Variants in SORCS2 observed in about 807,000 individuals in gnomAD.
SORCS2 encodes the protein sortilin related VPS10 domain containing receptor 2.
Under a neutral mutation model 141.6 loss-of-function variants are expected in SORCS2, and 100 were observed. The ratio of observed to expected loss-of-function variants is 0.71; its 90% CI spans 0.60 to 0.83. The LOEUF (loss-of-function observed/expected upper bound fraction) is 0.83, where lower values mean the gene tolerates loss of function less well. Among genes scored for constraint, SORCS2 ranks in the 40% least tolerant of loss-of-function variants. The pLI is 0.00. For missense variants in SORCS2, 1,646 were observed against 1,560.2 expected (o/e 1.05, Z -0.93); for synonymous variants, 789 against 676.9 (o/e 1.17, Z -2.57).
At chr4:7,731,004 G>T (rs549380612) in intron 23 of SORCS2, among the ~76,000 whole-genome samples, 1 of 152,240 alleles carries the variant, frequency 6.6e-6, no homozygotes, top group Non-Finnish European at 1.5e-5. Context: ...ACTCCAGCAT[G>T]CCCACGTGGT....
At chr4:7,642,706 A>G (rs1195184645) in intron 4 of SORCS2, among the ~76,000 whole-genome samples, 3 of 152,060 alleles carry the variant, frequency 2.0e-5, no homozygotes, top group African/African-American at 2.4e-5. Context: ...AACAAGCATT[A>G]TTTCTTCTTC....
rs577898437 is a variant in SORCS2, at chr4:7,714,514, G to T, written c.2123+141G>T. 2.4e-4 allele frequency: 225 copies of T among 937,438 alleles called. No homozygotes were observed. In the African/African-American group the frequency reaches 3.5e-3, roughly 15 times the overall value. 58.1% of individuals were successfully genotyped at this position (937,438 alleles called of 1,614,324 possible). On this transcript the variant is annotated intron_variant, in intron 16 of 26. Transcript: ENST00000507866. Reference sequence around the variant, plus strand: ...GTCACAGTCGCACACTGCCACTTCTGCCTCATTCCATCTGTTAGAACCAAG... The same window carrying T: ...GTCACAGTCGCACACTGCCACTTCTTCCTCATTCCATCTGTTAGAACCAAG...
intron 2 of SORCS2, among the ~76,000 whole-genome samples, chr4:7,401,877 G>GT (rs1351418628): frequency 6.6e-6 from 1 of 152,170 alleles, no homozygotes; most frequent in Non-Finnish European, 1.5e-5. Context: ...GGGATAGGAA[G>GT]TGATTCTTTT....
At chr4:7,494,736 C>A (rs1731510372) in intron 2 of SORCS2, among the ~76,000 whole-genome samples, 1 of 152,186 alleles carries the variant, frequency 6.6e-6, no homozygotes, top group Admixed American at 6.5e-5. Context: ...TCAGTCCCTG[C>A]CTGATTTCTG....
intron 2 of SORCS2, among the ~76,000 whole-genome samples, chr4:7,516,165 A>C (rs1732967510): frequency 6.6e-6 from 1 of 152,194 alleles, no homozygotes; most frequent in Non-Finnish European, 1.5e-5. Context: ...AGAGCTGGTC[A>C]GATGCAGTCC....
chr4:7,630,457 T>C (rs781676929), intron 3 of SORCS2, among the ~76,000 whole-genome samples: 1 of 152,234 alleles, frequency 6.6e-6, no homozygotes, highest in Non-Finnish European at 1.5e-5. Flanking sequence ...AAGAAATTAT[T>C]ATCTCCAATT....
chr4:7,425,929 C>T (rs760556918), intron 2 of SORCS2, among the ~76,000 whole-genome samples: 1 of 152,210 alleles, frequency 6.6e-6, no homozygotes, highest in African/African-American at 2.4e-5. Flanking sequence ...AGTCCAGCCT[C>T]TTCTGGTTAC....
At position 7,242,178 on chromosome 4, in the gene SORCS2, C is replaced by T. The variant is rs1233559118; in HGVS notation, c.480+49052C>T. On this transcript the variant is annotated intron_variant, in intron 1 of 26. Transcript: ENST00000507866. ...CGTGAGAGTCACATGAGTGTTCCCTCGGAGCCTTTCAGAGCCCTGTTGTCT... is the reference window on the plus strand; with the variant it reads ...CGTGAGAGTCACATGAGTGTTCCCTTGGAGCCTTTCAGAGCCCTGTTGTCT... 4.6e-5 allele frequency among the ~76,000 whole-genome samples: 7 copies of T among 152,260 alleles called. No homozygotes were observed. In the East Asian group the frequency reaches 7.7e-4, roughly 17 times the overall value.
intron 1 of SORCS2, among the ~76,000 whole-genome samples, chr4:7,394,936 C>T (rs1394380908): frequency 1.4e-5 from 2 of 143,620 alleles, no homozygotes; most frequent in Non-Finnish European, 3.0e-5. Context: ...GTACAAAATC[C>T]CCTCTGGGAA....
intron 1 of SORCS2, among the ~76,000 whole-genome samples, chr4:7,220,687 C>T (rs777800532): frequency 1.2e-4 from 18 of 152,090 alleles, no homozygotes; most frequent in Non-Finnish European, 1.5e-4. Context: ...ATGAAGTGCT[C>T]GTGGCTCCCA....
At chr4:7,486,619 GTAGAGAATTAT>G (rs1361371163) in intron 2 of SORCS2, among the ~76,000 whole-genome samples, 1 of 152,192 alleles carries the variant, frequency 6.6e-6, no homozygotes, top group Non-Finnish European at 1.5e-5. Flanking sequence ...GCTTCAAACA[GTAGAGAATTAT>G]TCTCTCCCAG....
At chr4:7,602,601 G>A (rs1245583876) in intron 3 of SORCS2, among the ~76,000 whole-genome samples, 2 of 150,074 alleles carry the variant, frequency 1.3e-5, no homozygotes, top group African/African-American at 2.5e-5. Context: ...TTGACGGGAT[G>A]ACTGCCGGGA....
chr4:7,340,713 A>G (rs1465628640), intron 1 of SORCS2, among the ~76,000 whole-genome samples: 2 of 152,226 alleles, frequency 1.3e-5, no homozygotes, highest in Non-Finnish European at 2.9e-5. Context: ...TGCAGCTAGA[A>G]GGCAAGACCG....
chr4:7,663,351 T>A lies in SORCS2; in HGVS notation c.953-1002T>A, dbSNP rs1238597652. 6.6e-6 allele frequency among the ~76,000 whole-genome samples: 1 copy of A among 152,110 alleles called. No individual in the cohort carries two copies. The highest frequency in any genetic ancestry group is 1.9e-4 in the East Asian group (1 of 5,184). On this transcript the variant is annotated intron_variant, in intron 6 of 26. Coordinates refer to ENST00000507866, the MANE Select transcript of SORCS2 (RefSeq NM_020777.3). This position sits in a 1 kb window ranked among gnomAD's most constrained non-coding sequence, Gnocchi z 4.8. ...GTGATTGAGTGAGTGAGTGAGTGAG[T>A]CAGTCAGTCAGTAGACTGTTGACTG... is the stretch of plus-strand genomic sequence containing the variant.
chr4:7,658,243 G>C (rs1169349656), intron 5 of SORCS2, among the ~76,000 whole-genome samples: 1 of 151,934 alleles, frequency 6.6e-6, no homozygotes, highest in East Asian at 1.9e-4. Flanking sequence ...GAGTGACTGA[G>C]AGAATGAGTG....
intron 2 of SORCS2, among the ~76,000 whole-genome samples, chr4:7,495,942 A>G (rs1158999432): frequency 6.6e-6 from 1 of 152,188 alleles, no homozygotes; most frequent in African/African-American, 2.4e-5. Context: ...GGCCTGGCCT[A>G]GCAAGACTGT....
chr4:7,576,328 G>C (rs1298002253), intron 3 of SORCS2, among the ~76,000 whole-genome samples: 1 of 152,170 alleles, frequency 6.6e-6, no homozygotes, highest in South Asian at 2.1e-4. Flanking sequence ...CTAAAGATAA[G>C]AGCACCCTTC....
chr4:7,209,133 T>G, intron 1 of SORCS2, among the ~76,000 whole-genome samples: 1 of 152,228 alleles, frequency 6.6e-6, no homozygotes. Flanking sequence ...TGAACTGGCC[T>G]TGTTGTAGAT....
At chr4:7,613,164 G>A (rs575203013) in intron 3 of SORCS2, among the ~76,000 whole-genome samples, 2 of 152,370 alleles carry the variant, frequency 1.3e-5, no homozygotes, top group South Asian at 2.1e-4. Flanking sequence ...TTTGGTGAAG[G>A]GCTGAACAAG....
Sources: allele counts gnomAD v4.1 joint callset (sites outside exome capture counted in the v4.1 genomes callset), GRCh38; gene constraint gnomAD v4.1.1; non-coding constraint Gnocchi (gnomAD v3.1); transcripts MANE v1.5; gene names NCBI Gene and HGNC (gene_info 2026-07-23, HGNC 2026-07-21).